The following CTBP2 variants were observed in gnomAD, a reference collection of about 807,000 sequenced individuals.
The protein encoded by CTBP2 is C-terminal binding protein 2.
In CTBP2, 30 loss-of-function variants were observed where a neutral mutation model predicts 80.3. The ratio of observed to expected loss-of-function variants is 0.37; its 90% CI spans 0.28 to 0.51. The LOEUF is 0.51. Among genes scored for constraint, CTBP2 ranks in the 20% least tolerant of loss-of-function variants. CTBP2 has a pLI of 0.93. For synonymous variants in CTBP2, 594 were observed against 587.4 expected, an observed-to-expected ratio of 1.01 and a Z score of -0.16; for missense variants, 1,212 against 1,375.3, an observed-to-expected ratio of 0.88 and a Z score of 1.88.
At chr10:125,016,117 G>A (rs940875109) in intron 1 of CTBP2, among the ~76,000 whole-genome samples, 6 of 152,260 alleles carry the variant, frequency 3.9e-5, no homozygotes, top group African/African-American at 1.4e-4. Context: ...TGGGGTCTGG[G>A]ACCCTTTGGT....
At chr10:125,118,313 C>G (rs937204753) in intron 1 of CTBP2, among the ~76,000 whole-genome samples, 1 of 152,108 alleles carries the variant, frequency 6.6e-6, no homozygotes, top group Non-Finnish European at 1.5e-5. Flanking sequence ...GTGCCCCATC[C>G]GAAGTGGCTC....
upstream of CTBP2, among the ~76,000 whole-genome samples, chr10:125,162,114 G>A (rs1168589345): frequency 1.3e-5 from 2 of 152,234 alleles, no homozygotes; most frequent in Non-Finnish European, 2.9e-5. Flanking sequence ...AAGAATCCCT[G>A]GGTGGGCTGA....
At chr10:125,039,272 G>A (rs968325179) in intron 2 of CTBP2, 117 bp from the exon 3 acceptor site, 1 of 461,616 alleles carries the variant, frequency 2.2e-6, no homozygotes, top group African/African-American at 2.0e-5. Flanking sequence ...GGACACATGG[G>A]ACTTGCTCTT....
At chr10:125,044,953 G>A (rs1590294454) in intron 2 of CTBP2, among the ~76,000 whole-genome samples, 1 of 152,224 alleles carries the variant, frequency 6.6e-6, no homozygotes, top group Admixed American at 6.5e-5. Flanking sequence ...AATCAGGATA[G>A]GAAATGAGCT....
rs1185693921 is a variant in CTBP2 at position 125,027,316 on chromosome 10, C to A, written c.444G>T (p.Trp148Cys). 2 of 1,613,724 alleles carry A rather than the reference C, an allele frequency of 1.2e-6. No individual in the cohort carries two copies. Among genetic ancestry groups the A allele is most frequent in the Non-Finnish European group, 1.7e-6 (2 of 1,180,004 alleles). Residue 148 changes from tryptophan (W) to cysteine (C), a missense_variant, in exon 1 of 9, where the codon TGG becomes TGT. By Grantham distance (215) the Trp-to-Cys change is radical. Transcript: ENST00000309035. Reference sequence around the variant, plus strand: ...CAGGTGACCGGCCTTGCATTGGATCCCATGACGTTCTGCTGCCAAGCACTC... The same window carrying A: ...CAGGTGACCGGCCTTGCATTGGATCACATGACGTTCTGCTGCCAAGCACTC...
chr10:125,094,517 G>A (rs1200176423), intron 2 of CTBP2, among the ~76,000 whole-genome samples: 10 of 152,234 alleles, frequency 6.6e-5, no homozygotes, highest in South Asian at 2.1e-4. Flanking sequence ...GGTGGTTTCC[G>A]TGCCAAGCAC....
intron 2 of CTBP2, among the ~76,000 whole-genome samples, chr10:125,101,508 C>G (rs1019008562): frequency 6.6e-6 from 1 of 152,180 alleles, no homozygotes; most frequent in Non-Finnish European, 1.5e-5. Context: ...AACCCCAATG[C>G]GTGACATTTG....
At chr10:125,072,834 A>G (rs1845717167) in intron 2 of CTBP2, among the ~76,000 whole-genome samples, 1 of 152,106 alleles carries the variant, frequency 6.6e-6, no homozygotes, top group Non-Finnish European at 1.5e-5. Flanking sequence ...CAAATCAAGT[A>G]AAAGCTAGTC....
intron 1 of CTBP2, among the ~76,000 whole-genome samples, chr10:125,111,582 T>C (rs982010378): frequency 8.5e-5 from 13 of 152,250 alleles, no homozygotes; most frequent in Non-Finnish European, 2.9e-5. Context: ...TGTCCATTAA[T>C]AGAAGGCATT....
intron 1 of CTBP2, among the ~76,000 whole-genome samples, chr10:125,024,491 G>A (rs1043559020): frequency 1.3e-5 from 2 of 152,202 alleles, no homozygotes; most frequent in Non-Finnish European, 2.9e-5. Flanking sequence ...AATGGCGAAT[G>A]TTTTTGTTAA....
intron 1 of CTBP2, among the ~76,000 whole-genome samples, chr10:125,122,385 C>A (rs1376683359): frequency 1.3e-5 from 2 of 152,226 alleles, no homozygotes; most frequent in African/African-American, 4.8e-5. Flanking sequence ...AACATTTTCA[C>A]TGTGAGATTA....
intron 2 of CTBP2, among the ~76,000 whole-genome samples, chr10:125,102,006 A>C (rs1436194179): frequency 1.3e-5 from 2 of 152,126 alleles, no homozygotes; most frequent in Admixed American, 1.3e-4. Context: ...CAGTCCCCAT[A>C]ATGTCATTCC....
chr10:125,072,752 G>T (rs1845701822), intron 2 of CTBP2, among the ~76,000 whole-genome samples: 1 of 151,940 alleles, frequency 6.6e-6, no homozygotes, highest in Admixed American at 6.6e-5. Context: ...CCACTGGCAT[G>T]GCTGATTCCC....
At chr10:125,004,432 G>C (rs1031246462) in intron 1 of CTBP2, among the ~76,000 whole-genome samples, 1 of 151,854 alleles carries the variant, frequency 6.6e-6, no homozygotes. Flanking sequence ...CTCAGAGACA[G>C]AGAAGCAGCA....
intron 6 of CTBP2, 24 bp from the exon 9 acceptor site, chr10:124,993,353 A>G (rs779099699): frequency 1.2e-6 from 2 of 1,601,598 alleles, no homozygotes; most frequent in Admixed American, 1.7e-5. Flanking sequence ...GAAAAAACAG[A>G]GTAAGCGGGA....
At chr10:125,058,519 C>T (rs562311772) in intron 2 of CTBP2, among the ~76,000 whole-genome samples, 11 of 152,172 alleles carry the variant, frequency 7.2e-5, no homozygotes, top group Non-Finnish European at 1.2e-4. Flanking sequence ...CGGCCGGGCG[C>T]GGTGGCTTAC....
rs879175826 is a variant in CTBP2, at chr10:124,986,291, G to GCGCACACA, written c.*3226_*3227insTGTGTGCG. On this transcript the variant is annotated 3_prime_UTR_variant, in exon 9 of 9. Transcript: ENST00000309035. Reference sequence around the variant, plus strand: ...AGACGACACACGCACGCGCGCGCGCGCACACACACACACACACACACACAC... The same window carrying GCGCACACA: ...AGACGACACACGCACGCGCGCGCGCGCGCACACACACACACACACACACACACACACAC... 1.7e-5 allele frequency: 2 copies of GCGCACACA among 116,020 alleles called. No homozygotes were observed. The highest frequency in any genetic ancestry group is 6.6e-5 in the African/African-American group (2 of 30,496). 7.2% of individuals were successfully genotyped at this position (116,020 alleles called of 1,614,324 possible).
At chr10:125,060,634 G>C (rs1410800423) in intron 2 of CTBP2, among the ~76,000 whole-genome samples, 1 of 152,246 alleles carries the variant, frequency 6.6e-6, no homozygotes, top group Non-Finnish European at 1.5e-5. Context: ...ATCTCTGCCT[G>C]TGATTATGTG....
chr10:125,072,719 A>T (rs1261107381), intron 2 of CTBP2, among the ~76,000 whole-genome samples: 1 of 151,442 alleles, frequency 6.6e-6, no homozygotes, highest in African/African-American at 2.4e-5. Context: ...CCCTCATGGT[A>T]GCTGGGGAGG....
Sources: allele counts gnomAD v4.1 joint callset (sites outside exome capture counted in the v4.1 genomes callset), GRCh38; gene constraint gnomAD v4.1.1; transcripts MANE v1.5; gene names NCBI Gene and HGNC (gene_info 2026-07-23, HGNC 2026-07-21).